KLF9: variants seen among roughly 807,000 people sequenced by gnomAD.
The protein encoded by KLF9 is Krueppel-like factor 9.
In KLF9, 2 loss-of-function variants were observed where a neutral mutation model predicts 17.3. The ratio of observed to expected loss-of-function variants is 0.12; its 90% CI spans 0.05 to 0.36. KLF9 has a LOEUF of 0.36. Among genes scored for constraint, KLF9 ranks in the 10% least tolerant of loss-of-function variants. The pLI, the probability that KLF9 is intolerant of heterozygous loss-of-function variation, is 1.00. For missense variants in KLF9, 226 were observed against 333.2 expected (o/e 0.68, Z 2.51); for synonymous variants, 138 against 139.2 (o/e 0.99, Z 0.06).
intron 1 of KLF9, among the ~76,000 whole-genome samples, chr9:70,405,797 C>T (rs1369840863): frequency 2.0e-5 from 3 of 152,196 alleles, no homozygotes; most frequent in South Asian, 2.1e-4. Flanking sequence ...GGGGGGATCA[C>T]ATTCTTATGA....
intron 1 of KLF9, among the ~76,000 whole-genome samples, chr9:70,403,327 C>T (rs959917405): frequency 5.3e-5 from 8 of 152,180 alleles, no homozygotes; most frequent in Non-Finnish European, 7.3e-5. Context: ...GGTGACCCCA[C>T]ACCTCCAGAC....
rs2037110455 is a variant in KLF9, at chr9:70,386,331, A to G, written c.*1445T>C. On this transcript the variant is annotated 3_prime_UTR_variant, in exon 2 of 2. Transcript: ENST00000377126. Reference sequence around the variant, plus strand: ...TGGATGTAGTGGTTTCAGCCATTATAGACACCTAGATACAAGATATATTAG... The same window carrying G: ...TGGATGTAGTGGTTTCAGCCATTATGGACACCTAGATACAAGATATATTAG... The G allele has an allele frequency of 6.5e-6, 1 of 152,674 alleles. No homozygotes were observed. Among genetic ancestry groups the G allele is most frequent in the African/African-American group, 2.4e-5 (1 of 41,468 alleles). 9.5% of individuals were successfully genotyped at this position (152,674 alleles called of 1,614,324 possible).
chr9:70,409,970 G>A (rs1289213610), intron 1 of KLF9, among the ~76,000 whole-genome samples: 7 of 152,206 alleles, frequency 4.6e-5, no homozygotes, highest in African/African-American at 1.7e-4. Context: ...GGGTTACTGT[G>A]TGTGGAACCC....
Position 70,385,693 on chromosome 9 carries a change from A to G in KLF9, c.*2083T>C, listed in dbSNP as rs542761970. 1 of 152,770 alleles carries G rather than the reference A, an allele frequency of 6.5e-6. No individual in the cohort carries two copies. Among genetic ancestry groups the G allele is most frequent in the Admixed American group, 6.5e-5 (1 of 15,304 alleles). 9.5% of individuals were successfully genotyped at this position (152,770 alleles called of 1,614,324 possible). On this transcript the variant is annotated 3_prime_UTR_variant, in exon 2 of 2. Coordinates refer to ENST00000377126, the MANE Select transcript of KLF9 (RefSeq NM_001206.4). ...AACCATTCCATGAGCTCAGTGAGAAATAGGCAGCCTAACCTATTTCGTATG... is the reference window on the plus strand; with the variant it reads ...AACCATTCCATGAGCTCAGTGAGAAGTAGGCAGCCTAACCTATTTCGTATG...
chr9:70,409,104 G>GTATATATATACATATATGTATATATA (rs1343363331), intron 1 of KLF9, among the ~76,000 whole-genome samples: 1 of 72,328 alleles, frequency 1.4e-5, no homozygotes, highest in Non-Finnish European at 3.4e-5. Flanking sequence ...ATATATATGT[G>GTATATATATACATATATGTATATATA]TATATATATA....
At position 70,413,545 on chromosome 9, in the gene KLF9, C is replaced by G; in HGVS notation, c.-182G>C. The G allele has an allele frequency of 2.2e-6, 1 of 459,440 alleles. No individual in the cohort carries two copies. Among genetic ancestry groups the G allele is most frequent in the Non-Finnish European group, 3.2e-6 (1 of 309,646 alleles). The allele number at this position is 459,440 out of a possible 1,614,324, so 28.5% of individuals were successfully genotyped here. A position where few individuals can be genotyped will look rare whatever the true frequency, so the allele number is the denominator to read the frequency against. Reference sequence around the variant, plus strand: ...GAGCGCCGAGGCGACCTCAGCCCCTCATCTTTACGTAACCGGCAGCGCCTC... The same window carrying G: ...GAGCGCCGAGGCGACCTCAGCCCCTGATCTTTACGTAACCGGCAGCGCCTC... On this transcript the variant is annotated 5_prime_UTR_variant, in exon 1 of 2. The change abolishes an upstream ATG in the 5' untranslated region. Coordinates refer to ENST00000377126, the MANE Select transcript of KLF9 (RefSeq NM_001206.4). The surrounding 1 kb of genome is among the most constrained non-coding windows in gnomAD (Gnocchi z 5.6).
chr9:70,407,845 C>T (rs2037267411), intron 1 of KLF9, among the ~76,000 whole-genome samples: 1 of 152,176 alleles, frequency 6.6e-6, no homozygotes, highest in Non-Finnish European at 1.5e-5. Flanking sequence ...CTTAGAAACC[C>T]ATCCTCTATA....
chr9:70,409,202 A>ATACATATACATGTATATG (rs2037292698), intron 1 of KLF9, among the ~76,000 whole-genome samples: 1 of 89,380 alleles, frequency 1.1e-5, no homozygotes, highest in Non-Finnish European at 2.1e-5. Flanking sequence ...ATGTATATGT[A>ATACATATACATGTATATG]TATATATATA....
At chr9:70,388,256 C>G (rs528043888) in intron 1 of KLF9, among the ~76,000 whole-genome samples, 1 of 152,110 alleles carries the variant, frequency 6.6e-6, no homozygotes, top group Non-Finnish European at 1.5e-5. Context: ...CCTTAATCCA[C>G]GACTGGTGTC....
rs1314254633 is a variant in KLF9 at position 70,410,134 on chromosome 9, T to C, written c.505+2725A>G. 6.6e-5 allele frequency among the ~76,000 whole-genome samples: 10 copies of C among 152,226 alleles called. No individual in the cohort carries two copies. In the East Asian group the frequency reaches 1.9e-3, roughly 29 times the overall value. ...TCCTGTAAATGATTAAAATACGAGG[T>C]ACTGCCCCATATCATGATCAGTTCA... On this transcript the variant is annotated intron_variant, in intron 1 of 1. Transcript: ENST00000377126.
intron 1 of KLF9, among the ~76,000 whole-genome samples, chr9:70,392,556 A>G (rs560233816): frequency 6.6e-6 from 1 of 152,178 alleles, no homozygotes; most frequent in East Asian, 1.9e-4. Flanking sequence ...TCATATAATA[A>G]GGTATTATTT....
chr9:70,413,481 G>A lies in KLF9; in HGVS notation c.-118C>T. On this transcript the variant is annotated 5_prime_UTR_variant, in exon 1 of 2. Coordinates refer to ENST00000377126, the MANE Select transcript of KLF9 (RefSeq NM_001206.4). This position sits in a 1 kb window ranked among gnomAD's most constrained non-coding sequence, Gnocchi z 5.6. The stretch of plus-strand genomic sequence containing the variant: ...CGGCGCGGCGCGGCACGGCGCGGCG[G>A]CCAAGGGGGCGGGGGCGCGGGGCGC... 1.8e-6 allele frequency: 2 copies of A among 1,121,212 alleles called. No individual in the cohort carries two copies. The highest frequency in any genetic ancestry group is 2.2e-6 in the Non-Finnish European group (2 of 894,574). The allele number at this position is 1,121,212 out of a possible 1,614,324, so 69.5% of individuals were successfully genotyped here. A position where few individuals can be genotyped will look rare whatever the true frequency, so the allele number is the denominator to read the frequency against.
At chr9:70,392,514 A>C (rs1186115500) in intron 1 of KLF9, among the ~76,000 whole-genome samples, 1 of 152,210 alleles carries the variant, frequency 6.6e-6, no homozygotes. Context: ...ATGATGTTGA[A>C]TCTAACATCC....
chr9:70,403,022 T>A (rs951969735), intron 1 of KLF9, among the ~76,000 whole-genome samples: 1 of 152,022 alleles, frequency 6.6e-6, no homozygotes, highest in Non-Finnish European at 1.5e-5. Context: ...TGGTGGGGTG[T>A]GGCTGTAATC....
rs138495905 is a variant in KLF9 at position 70,389,883 on chromosome 9, C to T, written c.506-1878G>A. Among the ~76,000 whole-genome samples the T allele has an allele frequency of 9.6e-4, 146 of 152,288 alleles. 1 individual carries two copies. Among genetic ancestry groups the T allele is most frequent in the African/African-American group, 3.5e-3 (144 of 41,562 alleles). On this transcript the variant is annotated intron_variant, in intron 1 of 1. Coordinates refer to ENST00000377126, the MANE Select transcript of KLF9 (RefSeq NM_001206.4). Reference sequence around the variant, plus strand: ...AGAGGACACACAGCCTCCTGGTTTCCGCAGAACTCTCCAGACACTCCTTGG... The same window carrying T: ...AGAGGACACACAGCCTCCTGGTTTCTGCAGAACTCTCCAGACACTCCTTGG...
chr9:70,409,264 T>C (rs960447116), intron 1 of KLF9, among the ~76,000 whole-genome samples: 1 of 146,772 alleles, frequency 6.8e-6, no homozygotes, highest in African/African-American at 2.5e-5. Flanking sequence ...AACTGGGGTG[T>C]CATGGTTGGA....
At chr9:70,405,689 G>A (rs1030997772) in intron 1 of KLF9, among the ~76,000 whole-genome samples, 1 of 151,912 alleles carries the variant, frequency 6.6e-6, no homozygotes, top group Non-Finnish European at 1.5e-5. Context: ...AGAAGGCTTC[G>A]GGCACACCAT....
chr9:70,387,856 T>C lies in KLF9; in HGVS notation c.655A>G (p.Thr219Ala), dbSNP rs753035520. Residue 219 changes from threonine to alanine, a missense_variant, in exon 2 of 2, where the codon ACA (threonine) becomes GCA (alanine). Transcript: ENST00000377126. ...TCGGTGTGCCGCCGGGCGTGCTTTG[T>C]GAGGTGGTCACTCCTCATGAAGCGC... ...EKRFMRSDHL[T>A]KHARRHTEFH... The C allele has an allele frequency of 6.2e-7, 1 of 1,613,552 alleles. No individual in the cohort carries two copies. The highest frequency in any genetic ancestry group is 1.1e-5 in the South Asian group (1 of 91,068).
At chr9:70,411,254 G>A (rs552933646) in intron 1 of KLF9, among the ~76,000 whole-genome samples, 1 of 152,338 alleles carries the variant, frequency 6.6e-6, no homozygotes, top group South Asian at 2.1e-4. Context: ...CCCTGAAGGA[G>A]AAAATGCCTT....
Sources: gnomAD v4.1 joint callset for allele counts (sites outside exome capture counted in the v4.1 genomes callset) on GRCh38, gnomAD v4.1.1 for gene constraint, Gnocchi (gnomAD v3.1) non-coding constraint, MANE v1.5 for transcripts, NCBI Gene and HGNC (gene_info 2026-07-23, HGNC 2026-07-21) for gene names.